JAKMIP1: variants seen among roughly 807,000 people sequenced by gnomAD.
JAKMIP1 encodes janus kinase and microtubule-interacting protein 1.
A neutral mutation model predicts 113.0 loss-of-function variants in JAKMIP1; 33 were observed. That is an observed-to-expected ratio of 0.29 (90% CI 0.22 to 0.39). The LOEUF (loss-of-function observed/expected upper bound fraction) is 0.39. Ranked by LOEUF, JAKMIP1 falls within the 10% of genes least tolerant of loss-of-function variation. JAKMIP1 has a pLI of 1.00. For missense variants in JAKMIP1, 813 were observed against 1,080.5 expected, an observed-to-expected ratio of 0.75 and a Z score of 3.47; for synonymous variants, 480 against 459.9, an observed-to-expected ratio of 1.04 and a Z score of -0.56.
At chr4:6,056,642 C>A (rs562595253) in intron 12 of JAKMIP1, 55 bp downstream of exon 12, 2 of 1,404,684 alleles carry the variant, frequency 1.4e-6, no homozygotes, top group African/African-American at 1.4e-5. Context: ...TGAGCAGGCC[C>A]GCGGGGTCCC....
rs116702320 is a variant in JAKMIP1 at position 6,049,677 on chromosome 4, C to A, written c.1962+142G>T. On this transcript the variant is annotated intron_variant, in intron 15 of 20. Coordinates refer to ENST00000409021, the MANE Select transcript of JAKMIP1 (RefSeq NM_001099433.2). This position sits in a 1 kb window ranked among gnomAD's most constrained non-coding sequence, Gnocchi z 7.0. ...CAACCCCACCACCCACACAGGAACA[C>A]GGCCATACAAAAGCCTTACATTGTA... 49 of 663,304 alleles carry A rather than the reference C, an allele frequency of 7.4e-5. No individual in the cohort carries two copies. The East Asian group carries it at 1.3e-3, about 18-fold the overall frequency. The allele number at this position is 663,304 out of a possible 1,614,324, so 41.1% of individuals were successfully genotyped here. A position where few individuals can be genotyped will look rare whatever the true frequency, so the allele number is the denominator to read the frequency against.
intron 1 of JAKMIP1, among the ~76,000 whole-genome samples, chr4:6,123,230 G>A (rs1283642498): frequency 6.6e-6 from 1 of 152,186 alleles, no homozygotes; most frequent in Non-Finnish European, 1.5e-5. Flanking sequence ...CTTCTGGGGG[G>A]CCCAAACCCC....
rs1263592045 is a variant in JAKMIP1, at chr4:6,157,419, A to G, written c.-148+42834T>C. On this transcript the variant is annotated intron_variant, in intron 1 of 20. Transcript: ENST00000409021. This position sits in a 1 kb window ranked among gnomAD's most constrained non-coding sequence, Gnocchi z 4.7. ...AGCTCTCTGAAAAGCAGCAATTTCT[A>G]TGGTAATTCAGGTAATTTGTGATAT... is the stretch of plus-strand genomic sequence containing the variant. Among the ~76,000 whole-genome samples the G allele has an allele frequency of 6.6e-6, 1 of 152,238 alleles. No homozygotes were observed. The highest frequency in any genetic ancestry group is 1.5e-5 in the Non-Finnish European group (1 of 68,042).
At position 6,088,273 on chromosome 4, in the gene JAKMIP1, G is replaced by GA. The variant is rs1296247884; in HGVS notation, c.625-2645dup. On this transcript the variant is annotated intron_variant, in intron 3 of 20. Transcript: ENST00000409021. The surrounding 1 kb of genome is among the most constrained non-coding windows in gnomAD (Gnocchi z 5.5). Reference sequence around the variant, plus strand: ...TGAGAGTGATTTGTGCTATGAGGGGGAAAAAAAACAATAACAACATCAAAG... The same window carrying GA: ...TGAGAGTGATTTGTGCTATGAGGGGGAAAAAAAAACAATAACAACATCAAAG... Among the ~76,000 whole-genome samples, 58 of 151,966 alleles carry GA rather than the reference G, an allele frequency of 3.8e-4. No individual in the cohort carries two copies. Among genetic ancestry groups the GA allele is most frequent in the African/African-American group, 1.4e-3 (56 of 41,476 alleles).
At chr4:6,107,668 G>C (rs1714188231) in intron 2 of JAKMIP1, among the ~76,000 whole-genome samples, 1 of 152,140 alleles carries the variant, frequency 6.6e-6, no homozygotes, top group Non-Finnish European at 1.5e-5. Context: ...CAGCCTGCTG[G>C]TCTGCCCTAC....
chr4:6,045,364 G>A (rs1714848821), intron 16 of JAKMIP1, among the ~76,000 whole-genome samples: 1 of 152,170 alleles, frequency 6.6e-6, no homozygotes, highest in South Asian at 2.1e-4. Context: ...GCCATGTGCC[G>A]AGGTGAGTGA....
In JAKMIP1 at chr4:6,167,089, A is replaced by G. The variant is rs553184001; in HGVS notation, c.-148+33164T>C. ...AGTGCCTGGTGCGTAGGGGGTACTC[A>G]GGGTGGGCTGCTGGTATTATTAAAA... On this transcript the variant is annotated intron_variant, in intron 1 of 20. Transcript: ENST00000409021. The surrounding 1 kb of genome is among the most constrained non-coding windows in gnomAD (Gnocchi z 5.3). Among the ~76,000 whole-genome samples, 4 of 152,240 alleles carry G rather than the reference A, an allele frequency of 2.6e-5. No homozygotes were observed. Among genetic ancestry groups the G allele is most frequent in the African/African-American group, 7.2e-5 (3 of 41,534 alleles).
chr4:6,061,961 G>A lies in JAKMIP1; in HGVS notation c.1560+351C>T, dbSNP rs1482992657. The stretch of plus-strand genomic sequence containing the variant: ...TCTGGTGGATGTCCTGGAGGGCGGG[G>A]GGCTGGCAGCCCTGGAGGGAGCGGA... On this transcript the variant is annotated intron_variant, in intron 10 of 20. Transcript: ENST00000409021. This position sits in a 1 kb window ranked among gnomAD's most constrained non-coding sequence, Gnocchi z 5.3. Among the ~76,000 whole-genome samples, 4 of 152,204 alleles carry A rather than the reference G, an allele frequency of 2.6e-5. No individual in the cohort carries two copies. Among genetic ancestry groups the A allele is most frequent in the Non-Finnish European group, 5.9e-5 (4 of 68,044 alleles).
chr4:6,126,165 C>T (rs529369956), intron 1 of JAKMIP1, among the ~76,000 whole-genome samples: 1 of 135,378 alleles, frequency 7.4e-6, no homozygotes. Context: ...GAAACACACA[C>T]ATGCAAACGC....
At position 6,106,353 on chromosome 4, in the gene JAKMIP1, G is replaced by A. The variant is rs144192169; in HGVS notation, c.130-386C>T. ...AATATATTTCCAGGGCCCCATGCGC[G>A]GACTGTGGAGTTGGAAAAGACAGAC... On this transcript the variant is annotated intron_variant, in intron 2 of 20. Transcript: ENST00000409021. The surrounding 1 kb of genome is among the most constrained non-coding windows in gnomAD (Gnocchi z 5.9). 7.6e-4 allele frequency among the ~76,000 whole-genome samples: 116 copies of A among 152,100 alleles called. 1 individual carries two copies. The Middle Eastern group carries it at 0.01, about 13-fold the overall frequency.
At chr4:6,033,221 G>C (rs1227769941) in intron 19 of JAKMIP1, among the ~76,000 whole-genome samples, 1 of 152,164 alleles carries the variant, frequency 6.6e-6, no homozygotes, top group African/African-American at 2.4e-5. Flanking sequence ...GCACCCTGTG[G>C]GCCAGATTCC....
At chr4:6,120,029 A>G (rs1404319047) in intron 1 of JAKMIP1, among the ~76,000 whole-genome samples, 1 of 152,222 alleles carries the variant, frequency 6.6e-6, no homozygotes, top group African/African-American at 2.4e-5. Context: ...GCCCATCACC[A>G]AGAAGTCTTT....
At chr4:6,164,367 T>C (rs1229559713) in intron 1 of JAKMIP1, among the ~76,000 whole-genome samples, 1 of 152,244 alleles carries the variant, frequency 6.6e-6, no homozygotes, top group Non-Finnish European at 1.5e-5. Flanking sequence ...AAACCCACTG[T>C]TGAGACCTAC....
intron 16 of JAKMIP1, among the ~76,000 whole-genome samples, chr4:6,046,179 C>G (rs1714966392): frequency 6.6e-6 from 1 of 152,324 alleles, no homozygotes; most frequent in Admixed American, 6.5e-5. Flanking sequence ...TGTCAGTCCC[C>G]TAGTGGTCCT....
chr4:6,049,786 A>G lies in JAKMIP1; in HGVS notation c.1962+33T>C. 6.5e-7 allele frequency: 1 copy of G among 1,546,688 alleles called. No individual in the cohort carries two copies. The highest frequency in any genetic ancestry group is 8.9e-7 in the Non-Finnish European group (1 of 1,119,798). ...AGAATACACCCAGATCAAAACAAGAACACGAAAGCAGAAACCGATCGCTCA... is the reference window on the plus strand; with the variant it reads ...AGAATACACCCAGATCAAAACAAGAGCACGAAAGCAGAAACCGATCGCTCA... On this transcript the variant is annotated intron_variant, in intron 15 of 20. Coordinates refer to ENST00000409021, the MANE Select transcript of JAKMIP1 (RefSeq NM_001099433.2). This position sits in a 1 kb window ranked among gnomAD's most constrained non-coding sequence, Gnocchi z 7.0.
rs1452306526 is a variant in JAKMIP1, at chr4:6,158,018, A to AT, written c.-148+42234dup. ...ACTTCAGAAGAGTTATCTGGGCCAC[A>AT]TTTCCAGGGCTATGTGCTATGAGGT... is the stretch of plus-strand genomic sequence containing the variant. On this transcript the variant is annotated intron_variant, in intron 1 of 20. Coordinates refer to ENST00000409021, the MANE Select transcript of JAKMIP1 (RefSeq NM_001099433.2). The surrounding 1 kb of genome is among the most constrained non-coding windows in gnomAD (Gnocchi z 5.3). Among the ~76,000 whole-genome samples the AT allele has an allele frequency of 6.6e-6, 1 of 152,136 alleles. No individual in the cohort carries two copies. The highest frequency in any genetic ancestry group is 1.9e-4 in the East Asian group (1 of 5,184).
Position 6,183,254 on chromosome 4 carries a change from G to A in JAKMIP1, c.-148+16999C>T, listed in dbSNP as rs1022477674. 9.2e-5 allele frequency among the ~76,000 whole-genome samples: 14 copies of A among 152,076 alleles called. No homozygotes were observed. The highest frequency in any genetic ancestry group is 2.0e-4 in the Admixed American group (3 of 15,280). Reference sequence around the variant, plus strand: ...AGCACTTTGGGAGGCTGAGGCAGGCGCATCACCTGAGGTCAGGAGTTTGAG... The same window carrying A: ...AGCACTTTGGGAGGCTGAGGCAGGCACATCACCTGAGGTCAGGAGTTTGAG... On this transcript the variant is annotated intron_variant, in intron 1 of 20. Coordinates refer to ENST00000409021, the MANE Select transcript of JAKMIP1 (RefSeq NM_001099433.2). The surrounding 1 kb of genome is among the most constrained non-coding windows in gnomAD (Gnocchi z 5.3).
At position 6,076,930 on chromosome 4, in the gene JAKMIP1, C is replaced by T. The variant is rs1719771086; in HGVS notation, c.1302+2009G>A. 6.6e-6 allele frequency among the ~76,000 whole-genome samples: 1 copy of T among 152,074 alleles called. No individual in the cohort carries two copies. The highest frequency in any genetic ancestry group is 2.4e-5 in the African/African-American group (1 of 41,430). On this transcript the variant is annotated intron_variant, in intron 8 of 20. Transcript: ENST00000409021. The surrounding 1 kb of genome is among the most constrained non-coding windows in gnomAD (Gnocchi z 4.8). ...GAGGCCAGGTGTGAAATTTCCCTGG[C>T]CTCATGTTGGTGCTGAGAAAGTTTC...
chr4:6,161,309 T>TCC (rs1284489670), intron 1 of JAKMIP1, among the ~76,000 whole-genome samples: 1 of 135,628 alleles, frequency 7.4e-6, no homozygotes, highest in African/African-American at 3.5e-5. Context: ...CTCCACTGAC[T>TCC]TCTATGGCCT....
Sources: allele counts gnomAD v4.1 joint callset (sites outside exome capture counted in the v4.1 genomes callset), GRCh38; gene constraint gnomAD v4.1.1; non-coding constraint Gnocchi (gnomAD v3.1); transcripts MANE v1.5; gene names NCBI Gene and HGNC (gene_info 2026-07-23, HGNC 2026-07-21).